ACOT7: variants seen among roughly 807,000 people sequenced by gnomAD.
ACOT7 encodes acyl-CoA thioesterase 7.
Under a neutral mutation model 40.2 loss-of-function variants are expected in ACOT7, and 12 were observed. The observed-to-expected ratio is 0.30, with a 90% CI of 0.19 to 0.48. ACOT7 has a LOEUF of 0.48. Among genes scored for constraint, ACOT7 ranks in the 20% least tolerant of loss-of-function variants. ACOT7 has a pLI of 0.99. For missense variants in ACOT7, 395 were observed against 530.8 expected (o/e 0.74, Z 2.51); for synonymous variants, 228 against 219.5 (o/e 1.04, Z -0.34).
At chr1:6,322,497 G>A (rs112670997) in intron 5 of ACOT7, among the ~76,000 whole-genome samples, 4,075 of 152,306 alleles carry the variant, frequency 0.027, 197 homozygotes, top group African/African-American at 0.093. Context: ...AAAGGCTGGC[G>A]CCTTAAGCGG....
chr1:6,389,346 T>G (rs960498062), intron 1 of ACOT7, among the ~76,000 whole-genome samples: 2 of 152,176 alleles, frequency 1.3e-5, no homozygotes, highest in Non-Finnish European at 2.9e-5. Context: ...ATCTGCCTGC[T>G]GGGTGGTGTC....
intron 3 of ACOT7, among the ~76,000 whole-genome samples, chr1:6,335,888 T>C (rs1261701476): frequency 6.6e-6 from 1 of 152,208 alleles, no homozygotes; most frequent in Non-Finnish European, 1.5e-5. Flanking sequence ...GGAATAAAGA[T>C]TTCCTGTTGG....
chr1:6,344,513 C>T (rs1641363577), intron 2 of ACOT7, among the ~76,000 whole-genome samples: 1 of 152,068 alleles, frequency 6.6e-6, no homozygotes, highest in Non-Finnish European at 1.5e-5. Flanking sequence ...CGCCTGTAAT[C>T]CCAGCACTTT....
In ACOT7 at chr1:6,392,019, C is replaced by T. The variant is rs1050633675; in HGVS notation, c.143+1238G>A. On this transcript the variant is annotated intron_variant, in intron 1 of 8. Coordinates refer to ENST00000361521, the MANE Select transcript of ACOT7 (RefSeq NM_007274.4). ...AGCCACAGAGCCAAAGTCAAAGGGG[C>T]AGGGCTCCCCCAAAGACGTTCCCCC... Among the ~76,000 whole-genome samples the T allele has an allele frequency of 5.3e-5, 8 of 151,876 alleles. No homozygotes were observed. In the East Asian group the frequency reaches 9.7e-4, roughly 18 times the overall value.
Position 6,281,191 on chromosome 1 carries a change from A to G in ACOT7, c.925T>C (p.Ser309Pro), listed in dbSNP as rs1193948510. The change falls in exon 8 of 9, where the codon TCT (serine) becomes CCT (proline). Residue 309 changes from serine to proline, a missense_variant. Coordinates refer to ENST00000361521, the MANE Select transcript of ACOT7 (RefSeq NM_007274.4). ...CTGGCGGCCCGGTAGCGCTTCTGAGAGCTGTCCACAACAGGGTCGGCGTCC... is the reference window on the plus strand; with the variant it reads ...CTGGCGGCCCGGTAGCGCTTCTGAGGGCTGTCCACAACAGGGTCGGCGTCC... ...LVDADPVVDSSQKRYRAASAF... is the reference protein window; with the variant it reads ...LVDADPVVDSPQKRYRAASAF... 1.2e-6 allele frequency: 2 copies of G among 1,614,130 alleles called. No homozygotes were observed. Among genetic ancestry groups the G allele is most frequent in the Non-Finnish European group, 8.5e-7 (1 of 1,180,020 alleles).
chr1:6,307,619 G>C (rs1640193670), intron 6 of ACOT7, among the ~76,000 whole-genome samples: 1 of 152,266 alleles, frequency 6.6e-6, no homozygotes, highest in Admixed American at 6.5e-5. Context: ...GACCCTGGCA[G>C]AGGGAACAGC....
At chr1:6,329,440 G>C (rs745463681) in intron 4 of ACOT7, among the ~76,000 whole-genome samples, 3 of 152,116 alleles carry the variant, frequency 2.0e-5, no homozygotes, top group Non-Finnish European at 4.4e-5. Context: ...ATCTACCTAG[G>C]AACATTGGTG....
rs1337762953 is a variant in ACOT7, at chr1:6,264,588, G to A, written c.*9C>T. ...GCTACTCGAGGCACCAGTGGCAGGAGGAGGGAGTCTAGGGCTGAGGCTCCG... is the reference window on the plus strand; with the variant it reads ...GCTACTCGAGGCACCAGTGGCAGGAAGAGGGAGTCTAGGGCTGAGGCTCCG... On this transcript the variant is annotated 3_prime_UTR_variant, in exon 9 of 9. Coordinates refer to ENST00000361521, the MANE Select transcript of ACOT7 (RefSeq NM_007274.4). The A allele has an allele frequency of 5.6e-6, 9 of 1,609,402 alleles. No individual in the cohort carries two copies. The highest frequency in any genetic ancestry group is 7.6e-6 in the Non-Finnish European group (9 of 1,178,338).
At chr1:6,323,770 A>ATATG (rs1412974284) in intron 5 of ACOT7, among the ~76,000 whole-genome samples, 3 of 139,270 alleles carry the variant, frequency 2.2e-5, no homozygotes, top group African/African-American at 7.9e-5. Flanking sequence ...ATATATATAT[A>ATATG]GACAAATTAT....
rs202168775 is a variant in ACOT7 at position 6,318,508 on chromosome 1, G to A, written c.696C>T (p.His232=). ...HLVGPSDCTL[H]GFVHGGVTMK... ...CCTTCTTACCTCCGTGCACAAAGCC[G>A]TGCAGGGTGCAGTCTGAAGGCCCCA... Residue 232 remains histidine, a synonymous_variant, in exon 6 of 9, where the codon CAC becomes CAT. Coordinates refer to ENST00000361521, the MANE Select transcript of ACOT7 (RefSeq NM_007274.4). 3.4e-5 allele frequency: 55 copies of A among 1,614,050 alleles called. No individual in the cohort carries two copies. Among genetic ancestry groups the A allele is most frequent in the Admixed American group, 6.7e-5 (4 of 60,002 alleles).
At chr1:6,331,471 G>A (rs888907675) in intron 4 of ACOT7, among the ~76,000 whole-genome samples, 2 of 152,216 alleles carry the variant, frequency 1.3e-5, no homozygotes, top group African/African-American at 4.8e-5. Context: ...GGAGGGCGCA[G>A]GGCCTTGCCC....
At chr1:6,291,037 G>A (rs1639648020) in intron 7 of ACOT7, among the ~76,000 whole-genome samples, 1 of 152,106 alleles carries the variant, frequency 6.6e-6, no homozygotes, top group Admixed American at 6.5e-5. Context: ...GCTTGGGGCT[G>A]GTGAATCCCA....
At chr1:6,273,310 CCTT>C (rs1337183694) in intron 8 of ACOT7, among the ~76,000 whole-genome samples, 1 of 152,242 alleles carries the variant, frequency 6.6e-6, no homozygotes, top group African/African-American at 2.4e-5. Context: ...GCGCCAACCT[CCTT>C]CTCAGCACCC....
intron 6 of ACOT7, among the ~76,000 whole-genome samples, chr1:6,317,728 C>CTTTTT (rs988852778): frequency 1.3e-4 from 17 of 135,852 alleles, no homozygotes; most frequent in African/African-American, 2.5e-4. Context: ...CAGAGTCTTT[C>CTTTTT]TTTTTTTTTT....
chr1:6,279,058 G>A (rs1417796393), intron 8 of ACOT7, among the ~76,000 whole-genome samples: 8 of 152,344 alleles, frequency 5.3e-5, no homozygotes, highest in African/African-American at 1.9e-4. Context: ...TGGGAGGGGC[G>A]TCGGGTCCAT....
chr1:6,286,409 T>C (rs990415354), intron 7 of ACOT7, among the ~76,000 whole-genome samples: 26 of 152,284 alleles, frequency 1.7e-4, no homozygotes, highest in African/African-American at 6.3e-4. Flanking sequence ...CAGATATTCA[T>C]GACAAAGTGT....
chr1:6,328,882 G>A (rs1271713648), intron 4 of ACOT7, among the ~76,000 whole-genome samples: 2 of 152,140 alleles, frequency 1.3e-5, no homozygotes, highest in Non-Finnish European at 1.5e-5. Flanking sequence ...TGTGCTGGCC[G>A]CAGGCTGGTT....
In ACOT7 at chr1:6,306,106, G is replaced by A. The variant is rs1640145891; in HGVS notation, c.713-11126C>T. ...CGGCAGGCTGAGGCAGGAGAATCAG[G>A]CAGGGAGGTTGCAGTGAGCCAAGAT... On this transcript the variant is annotated intron_variant, in intron 6 of 8. Coordinates refer to ENST00000361521, the MANE Select transcript of ACOT7 (RefSeq NM_007274.4). This position sits in a 1 kb window ranked among gnomAD's most constrained non-coding sequence, Gnocchi z 4.3. The A allele has an allele frequency of 2.6e-6, 1 of 384,170 alleles. No individual in the cohort carries two copies. Among genetic ancestry groups the A allele is most frequent in the East Asian group, 1.6e-4 (1 of 6,134 alleles). The allele number at this position is 384,170 out of a possible 1,614,324, so 23.8% of individuals were successfully genotyped here.
intron 1 of ACOT7, among the ~76,000 whole-genome samples, chr1:6,390,519 C>T (rs953020261): frequency 1.3e-5 from 2 of 152,058 alleles, no homozygotes; most frequent in Non-Finnish European, 2.9e-5. Context: ...TTGCAGTTAG[C>T]CGAGAGTGTG....
Sources: gnomAD v4.1 joint callset for allele counts (sites outside exome capture counted in the v4.1 genomes callset) on GRCh38, gnomAD v4.1.1 for gene constraint, Gnocchi (gnomAD v3.1) non-coding constraint, MANE v1.5 for transcripts, NCBI Gene and HGNC (gene_info 2026-07-23, HGNC 2026-07-21) for gene names.